Variants in LRMDA observed in about 807,000 individuals in gnomAD.
LRMDA encodes leucine-rich melanocyte differentiation-associated protein.
LRMDA carries 18 observed loss-of-function variants against 29.8 expected under a neutral mutation model. The observed-to-expected ratio is 0.60, with a 90% CI of 0.42 to 0.90. The LOEUF (loss-of-function observed/expected upper bound fraction) is 0.90. Ranked by LOEUF, LRMDA falls within the 40% of genes least tolerant of loss-of-function variation. LRMDA has a pLI of 0.00. For missense variants in LRMDA, 273 were observed against 273.9 expected (o/e 1.00, Z 0.02); for synonymous variants, 125 against 109.4 (o/e 1.14, Z -0.89).
chr10:76,133,057 G>A (rs551245714), intron 5 of LRMDA, among the ~76,000 whole-genome samples: 2 of 139,508 alleles, frequency 1.4e-5, no homozygotes, highest in African/African-American at 2.7e-5. Context: ...TCCTGACCTC[G>A]TGATCCGCCC....
intron 2 of LRMDA, among the ~76,000 whole-genome samples, chr10:75,622,318 T>A (rs61653055): frequency 1.6e-4 from 24 of 151,812 alleles, no homozygotes; most frequent in Middle Eastern, 3.4e-3. Context: ...TGAAAAAATA[T>A]GATACCCCAA....
chr10:76,007,031 T>TGTGTGTGTGTGTGTGTGTGTGC lies in LRMDA; in HGVS notation c.132-28976_132-28975insTGTGTGTGTGTGTGTGTGTGCG, dbSNP rs1230411095. Among the ~76,000 whole-genome samples the TGTGTGTGTGTGTGTGTGTGTGC allele has an allele frequency of 3.0e-4, 8 of 26,964 alleles. No individual in the cohort carries two copies. In the East Asian group the frequency reaches 3.9e-3, roughly 13 times the overall value. 17.7% of individuals were successfully genotyped at this position (26,964 alleles called of 152,430 possible). On this transcript the variant is annotated intron_variant, in intron 2 of 6. Transcript: ENST00000611255. The stretch of plus-strand genomic sequence containing the variant: ...GTGTGTGTGTGTGTGTGTGTGTGTG[T>TGTGTGTGTGTGTGTGTGTGTGC]GCGCGTGTGTGTTTATATATTTATT...
intron 2 of LRMDA, among the ~76,000 whole-genome samples, chr10:75,811,570 A>G (rs1843960939): frequency 6.6e-6 from 1 of 152,220 alleles, no homozygotes; most frequent in East Asian, 1.9e-4. Context: ...TGAGATCCAG[A>G]GAGATGTTAC....
At chr10:76,010,043 C>T (rs1847748115) in intron 2 of LRMDA, among the ~76,000 whole-genome samples, 1 of 152,162 alleles carries the variant, frequency 6.6e-6, no homozygotes, top group Admixed American at 6.5e-5. Flanking sequence ...CCCAAATCAG[C>T]ATAGCAGCCA....
At chr10:76,183,786 A>T (rs1280623335) in intron 5 of LRMDA, among the ~76,000 whole-genome samples, 1 of 151,378 alleles carries the variant, frequency 6.6e-6, no homozygotes, top group Non-Finnish European at 1.5e-5. Flanking sequence ...TGGCCTGATC[A>T]TAGCTGACTG....
At chr10:75,676,358 G>A (rs1841959921) in intron 2 of LRMDA, among the ~76,000 whole-genome samples, 1 of 152,206 alleles carries the variant, frequency 6.6e-6, no homozygotes, top group South Asian at 2.1e-4. Flanking sequence ...TAAACTAAAC[G>A]ATAGTTTGGA....
At chr10:76,517,939 C>CATATATATATATATATATAAACATAT (rs71024602) in intron 6 of LRMDA, among the ~76,000 whole-genome samples, 15 of 144,254 alleles carry the variant, frequency 1.0e-4, no homozygotes, top group Admixed American at 3.5e-4. Context: ...TATATATAAA[C>CATATATATATATATATATAAACATAT]ATATATATAT....
At chr10:76,406,225 G>T (rs907613035) in intron 6 of LRMDA, among the ~76,000 whole-genome samples, 3 of 152,178 alleles carry the variant, frequency 2.0e-5, no homozygotes, top group Admixed American at 1.3e-4. Flanking sequence ...CAGGCGGAAA[G>T]GGAACATCAT....
intron 5 of LRMDA, among the ~76,000 whole-genome samples, chr10:76,088,169 C>G (rs1589321387): frequency 6.6e-6 from 1 of 152,126 alleles, no homozygotes; most frequent in African/African-American, 2.4e-5. Flanking sequence ...CCAACAGTGG[C>G]ACCTAAACCT....
At chr10:76,423,251 C>T (rs899370150) in intron 6 of LRMDA, among the ~76,000 whole-genome samples, 11 of 151,998 alleles carry the variant, frequency 7.2e-5, no homozygotes, top group African/African-American at 1.2e-4. Context: ...AAAAATTAGC[C>T]GAGTGTGATG....
chr10:76,298,529 A>G (rs1885636), intron 5 of LRMDA, among the ~76,000 whole-genome samples: 127,514 of 152,114 alleles, frequency 0.84, 54,015 homozygotes, highest in African/African-American at 0.93. Context: ...ACTCTGACTT[A>G]GAGACTCTCA....
At chr10:75,692,018 C>A (rs969369515) in intron 2 of LRMDA, among the ~76,000 whole-genome samples, 8 of 151,732 alleles carry the variant, frequency 5.3e-5, no homozygotes, top group Non-Finnish European at 1.0e-4. Flanking sequence ...GCTTAGGGAA[C>A]AAAGTGAGAC....
At chr10:76,350,822 A>G (rs1841167160) in intron 6 of LRMDA, among the ~76,000 whole-genome samples, 2 of 152,152 alleles carry the variant, frequency 1.3e-5, no homozygotes. Context: ...TTGTAGTGTC[A>G]TGATTACAAG....
intron 5 of LRMDA, among the ~76,000 whole-genome samples, chr10:76,147,799 T>C (rs991119200): frequency 6.6e-5 from 10 of 152,340 alleles, no homozygotes; most frequent in African/African-American, 2.4e-4. Flanking sequence ...GTCTGTTTTT[T>C]TCCCATCTTT....
Position 76,361,090 on chromosome 10 carries a change from G to A in LRMDA, c.601+36605G>A, listed in dbSNP as rs530721364. 1.5e-4 allele frequency among the ~76,000 whole-genome samples: 23 copies of A among 151,986 alleles called. No homozygotes were observed. The South Asian group carries it at 4.2e-3, about 27-fold the overall frequency. On this transcript the variant is annotated intron_variant, in intron 6 of 6. Transcript: ENST00000611255. ...AGCCTGGGCAACAAGGTGAAACCCC[G>A]TCTCTACTGAAAATATAAAAATTAG...
At chr10:75,596,077 G>C (rs1840784054) in intron 2 of LRMDA, among the ~76,000 whole-genome samples, 1 of 152,136 alleles carries the variant, frequency 6.6e-6, no homozygotes, top group Non-Finnish European at 1.5e-5. Context: ...GTATCTGTGT[G>C]TATTATCTAT....
chr10:76,323,053 C>T (rs1011882768), intron 5 of LRMDA, among the ~76,000 whole-genome samples: 1 of 152,034 alleles, frequency 6.6e-6, no homozygotes, highest in Non-Finnish European at 1.5e-5. Context: ...ACACGTTTTT[C>T]TTGGTGGTTA....
intron 2 of LRMDA, among the ~76,000 whole-genome samples, chr10:75,680,177 A>T (rs912935946): frequency 2.0e-5 from 3 of 152,244 alleles, no homozygotes. Flanking sequence ...CTGTAACAAG[A>T]TCCCCCAAAT....
intron 2 of LRMDA, among the ~76,000 whole-genome samples, chr10:75,439,146 T>C (rs1589144689): frequency 2.6e-5 from 4 of 152,264 alleles, no homozygotes; most frequent in African/African-American, 9.6e-5. Flanking sequence ...TTATTTCCTT[T>C]CTCCCTAAAA....
Sources: gnomAD v4.1 joint callset for allele counts (sites outside exome capture counted in the v4.1 genomes callset) on GRCh38, gnomAD v4.1.1 for gene constraint, MANE v1.5 for transcripts, NCBI Gene and HGNC (gene_info 2026-07-23, HGNC 2026-07-21) for gene names.